Variants in DGKI observed in about 807,000 individuals in gnomAD.
DGKI encodes the protein diacylglycerol kinase iota.
In DGKI, 55 loss-of-function variants were observed where a neutral mutation model predicts 147.5. The ratio of observed to expected loss-of-function variants is 0.37; its 90% CI spans 0.30 to 0.47. The LOEUF is 0.47. DGKI is among the 20% of genes least tolerant of loss of function. The pLI is 1.00. For synonymous variants in DGKI, 469 were observed against 477.1 expected, an observed-to-expected ratio of 0.98 and a Z score of 0.22; for missense variants, 1,007 against 1,323.8, an observed-to-expected ratio of 0.76 and a Z score of 3.71.
rs116906043 is a variant in DGKI, at chr7:137,575,530, G to A, written c.1761+1692C>T. On this transcript the variant is annotated intron_variant, in intron 17 of 32. Transcript: ENST00000614521. Reference sequence around the variant, plus strand: ...TGCACTGGGTCTCCTGGCAGGTACTGTGGATGCGCCTGTAAATGCAAAACA... The same window carrying A: ...TGCACTGGGTCTCCTGGCAGGTACTATGGATGCGCCTGTAAATGCAAAACA... Among the ~76,000 whole-genome samples, 74 of 152,328 alleles carry A rather than the reference G, an allele frequency of 4.9e-4. 1 individual carries two copies. The East Asian group carries it at 0.014, about 29-fold the overall frequency.
chr7:137,505,054 C>T (rs1299388182), intron 21 of DGKI, among the ~76,000 whole-genome samples: 1 of 141,506 alleles, frequency 7.1e-6, no homozygotes, highest in Non-Finnish European at 1.5e-5. Flanking sequence ...CATGTTCTCA[C>T]TCATAGGTGG....
At chr7:137,725,834 CTCT>C (rs1794702781) in intron 1 of DGKI, among the ~76,000 whole-genome samples, 1 of 152,146 alleles carries the variant, frequency 6.6e-6, no homozygotes, top group African/African-American at 2.4e-5. Context: ...TAGCCTAACT[CTCT>C]TCTTCTCTTT....
At chr7:137,420,736 T>C (rs1347231176) in intron 28 of DGKI, among the ~76,000 whole-genome samples, 3 of 152,064 alleles carry the variant, frequency 2.0e-5, no homozygotes, top group Non-Finnish European at 4.4e-5. Flanking sequence ...TAATCAGATG[T>C]GACCGAGCAC....
At chr7:137,478,315 T>G (rs1400216845) in intron 23 of DGKI, among the ~76,000 whole-genome samples, 1 of 152,138 alleles carries the variant, frequency 6.6e-6, no homozygotes, top group Non-Finnish European at 1.5e-5. Context: ...TCCATAAACT[T>G]TTTATGCTCG....
intron 27 of DGKI, among the ~76,000 whole-genome samples, chr7:137,457,169 G>A (rs1210699481): frequency 6.6e-6 from 1 of 152,132 alleles, no homozygotes; most frequent in Non-Finnish European, 1.5e-5. Context: ...AAGGTAAGCA[G>A]GGATGTCAAA....
chr7:137,846,824 C>A lies in DGKI; in HGVS notation c.39G>T (p.Leu13=), dbSNP rs2117133126. The change falls in exon 1 of 33, where the codon CTG becomes CTT. Residue 13 remains leucine, a synonymous_variant. Transcript: ENST00000614521. The surrounding 1 kb of genome is among the most constrained non-coding windows in gnomAD (Gnocchi z 4.0). ...CGCGGGCAGGTCCGCGCGCCGCTGG[C>A]AGGGGCAGCAAATGGCAGCCCCTTC... ...AAGRGCHLLP[L]PAARGPARAP... The A allele has an allele frequency of 1.4e-5, 16 of 1,148,532 alleles. No homozygotes were observed. Among genetic ancestry groups the A allele is most frequent in the Non-Finnish European group, 1.7e-5 (16 of 934,462 alleles). The allele number at this position is 1,148,532 out of a possible 1,614,324, so 71.1% of individuals were successfully genotyped here. A position where few individuals can be genotyped will look rare whatever the true frequency, so the allele number is the denominator to read the frequency against.
intron 19 of DGKI, among the ~76,000 whole-genome samples, chr7:137,562,892 T>C (rs1237326509): frequency 6.6e-6 from 1 of 152,112 alleles, no homozygotes; most frequent in East Asian, 1.9e-4. Context: ...TAGAAGAGAA[T>C]GTCATTTCTT....
At chr7:137,495,413 A>G (rs1247776930) in intron 21 of DGKI, among the ~76,000 whole-genome samples, 2 of 150,868 alleles carry the variant, frequency 1.3e-5, no homozygotes, top group Non-Finnish European at 3.0e-5. Flanking sequence ...ACAAAAAAAA[A>G]AAAAGAAAGA....
At chr7:137,681,828 G>A (rs750684993) in intron 2 of DGKI, among the ~76,000 whole-genome samples, 3 of 152,262 alleles carry the variant, frequency 2.0e-5, no homozygotes, top group African/African-American at 4.8e-5. Flanking sequence ...TGATAAAAGT[G>A]TTTTTGTTTG....
At chr7:137,647,309 ATCTC>A (rs150705751) in intron 5 of DGKI, among the ~76,000 whole-genome samples, 2,966 of 152,182 alleles carry the variant, frequency 0.019, 81 homozygotes, top group African/African-American at 0.064. Context: ...TGCCCCTACC[ATCTC>A]TCTGACTCCT....
intron 1 of DGKI, among the ~76,000 whole-genome samples, chr7:137,787,695 T>C (rs1245244122): frequency 6.6e-6 from 1 of 152,036 alleles, no homozygotes; most frequent in Non-Finnish European, 1.5e-5. Flanking sequence ...ATAGCAAAAA[T>C]ATGGAACCAG....
chr7:137,804,383 A>G (rs1450345960), intron 1 of DGKI, among the ~76,000 whole-genome samples: 4 of 152,250 alleles, frequency 2.6e-5, no homozygotes, highest in African/African-American at 7.2e-5. Flanking sequence ...CTCTGCTTCA[A>G]TAAGATTTAA....
chr7:137,846,161 T>TCTCTCACACACACA lies in DGKI; in HGVS notation c.401+300_401+301insTGTGTGTGTGAGAG, dbSNP rs781580130. On this transcript the variant is annotated intron_variant, in intron 1 of 32. Transcript: ENST00000614521. This position sits in a 1 kb window ranked among gnomAD's most constrained non-coding sequence, Gnocchi z 4.0. ...CTCTCTCTCTCTCTCTCTCTCTCTC[T>TCTCTCACACACACA]CACACACACACACACACACACACAC... Among the ~76,000 whole-genome samples the TCTCTCACACACACA allele has an allele frequency of 2.8e-5, 3 of 108,218 alleles. No homozygotes were observed. The highest frequency in any genetic ancestry group is 5.4e-5 in the Non-Finnish European group (3 of 55,318). The allele number at this position is 108,218 out of a possible 152,430, so 71.0% of individuals were successfully genotyped here. A position where few individuals can be genotyped will look rare whatever the true frequency, so the allele number is the denominator to read the frequency against.
At chr7:137,639,120 T>G (rs1256150852) in intron 6 of DGKI, among the ~76,000 whole-genome samples, 1 of 152,234 alleles carries the variant, frequency 6.6e-6, no homozygotes, top group Non-Finnish European at 1.5e-5. Flanking sequence ...ATATTTGAAA[T>G]AGTCATTTTG....
intron 21 of DGKI, among the ~76,000 whole-genome samples, chr7:137,501,278 C>T (rs1816162254): frequency 6.6e-6 from 1 of 152,142 alleles, no homozygotes; most frequent in Non-Finnish European, 1.5e-5. Flanking sequence ...TTGATAGACA[C>T]TTAGGTTGCT....
intron 27 of DGKI, among the ~76,000 whole-genome samples, chr7:137,452,389 C>T (rs1814004123): frequency 6.6e-6 from 1 of 152,116 alleles, no homozygotes; most frequent in South Asian, 2.1e-4. Context: ...TTCTGGCTAC[C>T]ATCCTGCAAT....
At chr7:137,658,225 G>A (rs1318398812) in intron 3 of DGKI, among the ~76,000 whole-genome samples, 1 of 152,156 alleles carries the variant, frequency 6.6e-6, no homozygotes, top group African/African-American at 2.4e-5. Flanking sequence ...AGTAATCGTA[G>A]TAACACAGCA....
intron 10 of DGKI, among the ~76,000 whole-genome samples, chr7:137,607,971 A>T (rs1425196152): frequency 1.3e-5 from 2 of 152,234 alleles, no homozygotes; most frequent in African/African-American, 4.8e-5. Context: ...AGATGAAAGG[A>T]AGAATAATAT....
At chr7:137,573,846 T>A (rs1390831396) in intron 17 of DGKI, among the ~76,000 whole-genome samples, 1 of 152,222 alleles carries the variant, frequency 6.6e-6, no homozygotes, top group African/African-American at 2.4e-5. Context: ...AAGGGTATCA[T>A]CCTTTGATAA....
Sources: allele counts gnomAD v4.1 joint callset (sites outside exome capture counted in the v4.1 genomes callset), GRCh38; gene constraint gnomAD v4.1.1; non-coding constraint Gnocchi (gnomAD v3.1); transcripts MANE v1.5; gene names NCBI Gene and HGNC (gene_info 2026-07-23, HGNC 2026-07-21).